Variants in PRKCA observed in about 807,000 individuals in gnomAD.
PRKCA encodes the protein protein kinase C alpha type.
Under a neutral mutation model 87.0 loss-of-function variants are expected in PRKCA, and 27 were observed. The ratio of observed to expected loss-of-function variants is 0.31; its 90% confidence interval spans 0.23 to 0.43. The LOEUF is 0.43. PRKCA is among the 20% of genes least tolerant of loss of function. The probability of loss-of-function intolerance (pLI) is 1.00; values close to 1 mark genes in which losing one functional copy is unlikely to be tolerated. For missense variants in PRKCA, 518 were observed against 852.3 expected (o/e 0.61, Z 4.88); for synonymous variants, 329 against 311.1 (o/e 1.06, Z -0.61).
chr17:66,589,080 A>G (rs1370311947), intron 3 of PRKCA, among the ~76,000 whole-genome samples: 4 of 152,124 alleles, frequency 2.6e-5, no homozygotes, highest in Admixed American at 6.5e-5. Context: ...GTCCCAGATG[A>G]ACGTGAAGTC....
At chr17:66,797,839 C>T (rs1195773384) in intron 16 of PRKCA, among the ~76,000 whole-genome samples, 3 of 152,202 alleles carry the variant, frequency 2.0e-5, no homozygotes, top group Admixed American at 6.5e-5. Context: ...TCGTGTGGTA[C>T]GTCACATCCC....
chr17:66,798,522 T>TGGTGAC (rs1468491001), intron 16 of PRKCA, among the ~76,000 whole-genome samples: 1 of 30,844 alleles, frequency 3.2e-5, no homozygotes, highest in Non-Finnish European at 6.5e-5. Flanking sequence ...GTGGTGACGG[T>TGGTGAC]GGTGGTGATG....
intron 3 of PRKCA, among the ~76,000 whole-genome samples, chr17:66,624,004 G>A (rs1050128229): frequency 6.6e-6 from 1 of 152,212 alleles, no homozygotes; most frequent in African/African-American, 2.4e-5. Flanking sequence ...CAAAGACACT[G>A]AGGAAAACTT....
intron 2 of PRKCA, among the ~76,000 whole-genome samples, chr17:66,468,898 T>A (rs917042261): frequency 2.6e-5 from 4 of 152,206 alleles, no homozygotes; most frequent in Admixed American, 2.6e-4. Context: ...GGTTCTGCTT[T>A]GAATGCTGTC....
At chr17:66,491,402 G>T (rs1227682382) in intron 2 of PRKCA, among the ~76,000 whole-genome samples, 1 of 152,140 alleles carries the variant, frequency 6.6e-6, no homozygotes, top group East Asian at 1.9e-4. Context: ...GCCAAGGGGG[G>T]CCCCCACGAC....
rs547805632 is a variant in PRKCA at position 66,437,013 on chromosome 17, G to A, written c.206-59188G>A. On this transcript the variant is annotated intron_variant, in intron 2 of 16. Coordinates refer to ENST00000413366, the MANE Select transcript of PRKCA (RefSeq NM_002737.3). ...TTATGGGATATGGGAACCGTGATGG[G>A]AGATTATAGGAAAAAGATGGAGTGG... Among the ~76,000 whole-genome samples the A allele has an allele frequency of 2.4e-4, 37 of 152,296 alleles. No homozygotes were observed. The South Asian group carries it at 7.7e-3, about 32-fold the overall frequency.
intron 8 of PRKCA, among the ~76,000 whole-genome samples, chr17:66,708,557 A>T (rs1019872256): frequency 2.6e-5 from 4 of 152,224 alleles, no homozygotes; most frequent in African/African-American, 4.8e-5. Context: ...GTGAAGCCAC[A>T]TAGCAATTGT....
At chr17:66,392,625 G>T (rs1200463154) in intron 2 of PRKCA, among the ~76,000 whole-genome samples, 1 of 152,134 alleles carries the variant, frequency 6.6e-6, no homozygotes. Context: ...CAGAGGGGCC[G>T]TGTAGACCAG....
chr17:66,670,752 C>G (rs1009320669), intron 5 of PRKCA, among the ~76,000 whole-genome samples: 37 of 152,018 alleles, frequency 2.4e-4, no homozygotes, highest in Non-Finnish European at 4.0e-4. Context: ...GTCCCAGCTA[C>G]TCGGGAGGCT....
At chr17:66,486,968 TACAA>T (rs1253016878) in intron 2 of PRKCA, among the ~76,000 whole-genome samples, 5 of 152,236 alleles carry the variant, frequency 3.3e-5, no homozygotes, top group Admixed American at 3.3e-4. Context: ...TGTATCTACA[TACAA>T]TGTGTAATGA....
intron 11 of PRKCA, among the ~76,000 whole-genome samples, chr17:66,740,243 G>A (rs879687618): frequency 4.6e-5 from 7 of 152,052 alleles, no homozygotes; most frequent in East Asian, 1.9e-4. Context: ...GGAGGAAGAC[G>A]TGGGCTCCAG....
intron 11 of PRKCA, among the ~76,000 whole-genome samples, chr17:66,739,121 G>A (rs551880002): frequency 3.3e-5 from 5 of 152,200 alleles, no homozygotes; most frequent in South Asian, 4.2e-4. Context: ...AGCTCAAGCT[G>A]TCTGCCCACC....
intron 2 of PRKCA, among the ~76,000 whole-genome samples, chr17:66,482,032 C>A (rs747641738): frequency 7.6e-6 from 1 of 131,790 alleles, no homozygotes; most frequent in Non-Finnish European, 1.5e-5. Flanking sequence ...ACCTGGGAGG[C>A]GGAGGTTGCA....
At chr17:66,672,884 C>G (rs1972229808) in intron 5 of PRKCA, among the ~76,000 whole-genome samples, 1 of 152,176 alleles carries the variant, frequency 6.6e-6, no homozygotes, top group Non-Finnish European at 1.5e-5. Context: ...GTGGAAGATA[C>G]TGGCCATAAA....
At chr17:66,704,161 A>T (rs1225621168) in intron 8 of PRKCA, among the ~76,000 whole-genome samples, 1 of 67,704 alleles carries the variant, frequency 1.5e-5, no homozygotes, top group Non-Finnish European at 3.0e-5. Context: ...AGCAAAGTTA[A>T]AAAAAAAAAA....
intron 5 of PRKCA, among the ~76,000 whole-genome samples, chr17:66,650,997 T>G (rs1315431660): frequency 6.6e-6 from 1 of 152,112 alleles, no homozygotes; most frequent in Non-Finnish European, 1.5e-5. Context: ...AATTCAGGCA[T>G]GAAAAAGAAT....
chr17:66,790,845 A>AG (rs1161344178), intron 16 of PRKCA, among the ~76,000 whole-genome samples: 1 of 151,950 alleles, frequency 6.6e-6, no homozygotes, highest in Non-Finnish European at 1.5e-5. Flanking sequence ...GGAAGACAAC[A>AG]GGGCGACTTG....
chr17:66,504,923 G>A (rs557265114), intron 3 of PRKCA, among the ~76,000 whole-genome samples: 1 of 152,260 alleles, frequency 6.6e-6, no homozygotes, highest in East Asian at 1.9e-4. Flanking sequence ...AGCCTGTAAT[G>A]TTCTGCATGT....
rs933309794 is a variant in PRKCA at position 66,561,958 on chromosome 17, G to A, written c.288+65675G>A. 9.9e-5 allele frequency among the ~76,000 whole-genome samples: 15 copies of A among 151,260 alleles called. No homozygotes were observed. The East Asian group carries it at 1.2e-3, about 12-fold the overall frequency. On this transcript the variant is annotated intron_variant, in intron 3 of 16. Coordinates refer to ENST00000413366, the MANE Select transcript of PRKCA (RefSeq NM_002737.3). ...GGAAGATGAAAGAGTTGTTGAGGTG[G>A]ATGGTGGTGATGGTTGCAGAATAGT...
Sources: gnomAD v4.1 joint callset for allele counts (sites outside exome capture counted in the v4.1 genomes callset) on GRCh38, gnomAD v4.1.1 for gene constraint, MANE v1.5 for transcripts, NCBI Gene and HGNC (gene_info 2026-07-23, HGNC 2026-07-21) for gene names.